The following CCDC146 variants were observed in gnomAD, a reference collection of about 807,000 sequenced individuals.
CCDC146 encodes coiled-coil domain containing 146, also known as coiled-coil domain-containing protein 146.
CCDC146 carries 92 observed loss-of-function variants against 119.3 expected under a neutral mutation model. That is an observed-to-expected ratio of 0.77 (90% CI 0.65 to 0.92). The LOEUF (loss-of-function observed/expected upper bound fraction) is 0.92. Ranked by LOEUF, CCDC146 falls within the 40% of genes least tolerant of loss-of-function variation. The pLI is 0.00. For missense variants in CCDC146, 1,000 were observed against 1,103.0 expected, an observed-to-expected ratio of 0.91 and a Z score of 1.32; for synonymous variants, 372 against 371.8, an observed-to-expected ratio of 1.00 and a Z score of -0.01.
At chr7:77,242,360 G>A (rs1203649039) in intron 4 of CCDC146, 19 of 990,624 alleles carry the variant, frequency 1.9e-5, no homozygotes, top group Non-Finnish European at 2.2e-5. Flanking sequence ...TTCTAAGAGA[G>A]CAGCAACAGG....
At chr7:77,174,452 A>G (rs1217251709) in intron 2 of CCDC146, among the ~76,000 whole-genome samples, 1 of 152,220 alleles carries the variant, frequency 6.6e-6, no homozygotes, top group African/African-American at 2.4e-5. Flanking sequence ...GCTCAGAGGC[A>G]GTTCTGCACT....
chr7:77,255,519 C>T (rs1341705247), intron 5 of CCDC146: 1 of 152,098 alleles, frequency 6.6e-6, no homozygotes, highest in Non-Finnish European at 1.5e-5. Context: ...AATAAGTATG[C>T]CAAACCATCA....
chr7:77,288,265 GCTGT>G (rs1013296614), intron 17 of CCDC146, among the ~76,000 whole-genome samples: 20 of 152,172 alleles, frequency 1.3e-4, no homozygotes, highest in African/African-American at 4.8e-4. Flanking sequence ...AGAGGTGAAG[GCTGT>G]CTATTAGTTC....
intron 15 of CCDC146, among the ~76,000 whole-genome samples, chr7:77,283,462 T>C (rs536382926): frequency 6.6e-6 from 1 of 152,346 alleles, no homozygotes; most frequent in Non-Finnish European, 1.5e-5. Context: ...CTTGTTCCCA[T>C]TGACCAATGT....
At chr7:77,163,378 G>A (rs536517404) in intron 1 of CCDC146, among the ~76,000 whole-genome samples, 10 of 152,014 alleles carry the variant, frequency 6.6e-5, no homozygotes, top group Non-Finnish European at 1.2e-4. Flanking sequence ...AACCTGGGAG[G>A]CAGAGGTTAT....
intron 14 of CCDC146, among the ~76,000 whole-genome samples, chr7:77,281,883 A>G (rs2150548365): frequency 6.6e-6 from 1 of 152,300 alleles, no homozygotes; most frequent in African/African-American, 2.4e-5. Context: ...TCCTGGCACA[A>G]ACCAAAGCGT....
At chr7:77,141,025 C>T (rs1790924637) in intron 1 of CCDC146, among the ~76,000 whole-genome samples, 1 of 152,084 alleles carries the variant, frequency 6.6e-6, no homozygotes, top group Non-Finnish European at 1.5e-5. Flanking sequence ...ACCCATCAAC[C>T]TGTCATCTAC....
intron 1 of CCDC146, among the ~76,000 whole-genome samples, chr7:77,163,865 T>C (rs1487595846): frequency 6.9e-6 from 1 of 145,684 alleles, no homozygotes; most frequent in South Asian, 2.2e-4. Flanking sequence ...TTTTTCTTTT[T>C]TTTTTTTTTT....
rs1033437962 is a variant in CCDC146, at chr7:77,201,047, C to T, written c.156+33223C>T. Among the ~76,000 whole-genome samples the T allele has an allele frequency of 3.9e-5, 6 of 152,270 alleles. No individual in the cohort carries two copies. In the South Asian group the frequency reaches 1.2e-3, roughly 32 times the overall value. ...CCCTTAATTTTAGCCAAATCCTATT[C>T]ACATTCTCAAAATGTTGGCAGACTC... On this transcript the variant is annotated intron_variant, in intron 2 of 18. Transcript: ENST00000285871.
chr7:77,222,574 AC>A (rs1792425084), intron 2 of CCDC146, among the ~76,000 whole-genome samples: 1 of 152,202 alleles, frequency 6.6e-6, no homozygotes, highest in Non-Finnish European at 1.5e-5. Flanking sequence ...AAGCAGCCAA[AC>A]CCAGGGATCC....
At position 77,197,867 on chromosome 7, in the gene CCDC146, A is replaced by G. The variant is rs1347886483; in HGVS notation, c.156+30043A>G. Reference sequence around the variant, plus strand: ...ACAGGTGACTATATTGAGGATAAGCATAATAATCAGTTAACAAAGTTCTGT... The same window carrying G: ...ACAGGTGACTATATTGAGGATAAGCGTAATAATCAGTTAACAAAGTTCTGT... On this transcript the variant is annotated intron_variant, in intron 2 of 18. Transcript: ENST00000285871. Among the ~76,000 whole-genome samples, 4 of 152,242 alleles carry G rather than the reference A, an allele frequency of 2.6e-5. No individual in the cohort carries two copies. In the East Asian group the frequency reaches 7.7e-4, roughly 29 times the overall value.
chr7:77,209,098 T>A (rs931663941), intron 2 of CCDC146, among the ~76,000 whole-genome samples: 2 of 152,122 alleles, frequency 1.3e-5, no homozygotes, highest in African/African-American at 4.8e-5. Flanking sequence ...TTCCCCAAAG[T>A]CCTTAACTCA....
intron 1 of CCDC146, among the ~76,000 whole-genome samples, chr7:77,150,468 A>G (rs1035081927): frequency 6.6e-6 from 1 of 152,238 alleles, no homozygotes; most frequent in African/African-American, 2.4e-5. Context: ...TATTCAACAT[A>G]GTAATGCCAT....
chr7:77,277,765 T>C (rs1233736959), intron 11 of CCDC146, among the ~76,000 whole-genome samples: 1 of 152,192 alleles, frequency 6.6e-6, no homozygotes, highest in Non-Finnish European at 1.5e-5. Flanking sequence ...GCTCTATGGC[T>C]AGTTTCTTTC....
At chr7:77,195,606 T>C (rs1791852261) in intron 2 of CCDC146, 2 of 152,194 alleles carry the variant, frequency 1.3e-5, no homozygotes, top group African/African-American at 4.8e-5. Context: ...TGTGCTTAAA[T>C]CATGGCCCAA....
At chr7:77,140,579 G>A (rs1469117958) in intron 1 of CCDC146, among the ~76,000 whole-genome samples, 1 of 152,122 alleles carries the variant, frequency 6.6e-6, no homozygotes, top group Non-Finnish European at 1.5e-5. Context: ...ATCCCATCGT[G>A]AGGCTCCATA....
At chr7:77,180,907 C>T (rs1331879473) in intron 2 of CCDC146, among the ~76,000 whole-genome samples, 2 of 152,148 alleles carry the variant, frequency 1.3e-5, no homozygotes, top group Non-Finnish European at 2.9e-5. Context: ...TGACCATTGT[C>T]ACTCTGATAA....
intron 2 of CCDC146, among the ~76,000 whole-genome samples, chr7:77,177,586 T>C (rs1427719272): frequency 1.3e-5 from 2 of 152,164 alleles, no homozygotes; most frequent in African/African-American, 4.8e-5. Flanking sequence ...CTATTTTAGG[T>C]TTTACAATTT....
Position 77,295,144 on chromosome 7 carries a change from G to A in CCDC146, c.*278G>A, listed in dbSNP as rs531357520. ...CACTCTTTATATTGAGTACATTCCA[G>A]AAATTTGTAGTAGGCAAGGTGCTAT... On this transcript the variant is annotated 3_prime_UTR_variant, in exon 19 of 19. Transcript: ENST00000285871. The A allele has an allele frequency of 1.4e-4, 40 of 294,404 alleles. 1 individual carries two copies. The highest frequency in any genetic ancestry group is 8.8e-4 in the South Asian group (16 of 18,150). The allele number at this position is 294,404 out of a possible 1,614,324, so 18.2% of individuals were successfully genotyped here.
Sources: allele counts gnomAD v4.1 joint callset (sites outside exome capture counted in the v4.1 genomes callset), GRCh38; gene constraint gnomAD v4.1.1; transcripts MANE v1.5; gene names NCBI Gene and HGNC (gene_info 2026-07-23, HGNC 2026-07-21).